Variants in TNPO1 observed in about 807,000 individuals in gnomAD.
TNPO1 encodes the protein transportin-1.
A neutral mutation model predicts 119.5 loss-of-function variants in TNPO1; 8 were observed. That is an observed-to-expected ratio of 0.07 (90% CI 0.04 to 0.12). The LOEUF is 0.12. TNPO1 is among the 10% of genes least tolerant of loss of function. The probability of loss-of-function intolerance (pLI) is 1.00; values close to 1 mark genes in which losing one functional copy is unlikely to be tolerated. For synonymous variants in TNPO1, 362 were observed against 363.0 expected, an observed-to-expected ratio of 1.00 and a Z score of 0.03; for missense variants, 576 against 1,089.8, an observed-to-expected ratio of 0.53 and a Z score of 6.64.
chr5:72,910,697 C>T lies in TNPO1; in HGVS notation c.*2024C>T, dbSNP rs1285412625. 1 of 152,328 alleles carries T rather than the reference C, an allele frequency of 6.6e-6. No homozygotes were observed. The highest frequency in any genetic ancestry group is 2.4e-5 in the African/African-American group (1 of 41,420). The allele number at this position is 152,328 out of a possible 1,614,324, so 9.4% of individuals were successfully genotyped here. ...CTCTAAAAGTGTTGAATGATACAGC[C>T]ATTGCACTGAAGTTTGAGCTGTGTG... On this transcript the variant is annotated 3_prime_UTR_variant, in exon 25 of 25. Transcript: ENST00000337273.
At chr5:72,847,478 T>G (rs1745184162) in intron 1 of TNPO1, among the ~76,000 whole-genome samples, 1 of 152,222 alleles carries the variant, frequency 6.6e-6, no homozygotes, top group Admixed American at 6.5e-5. Context: ...TTTTTTAGCT[T>G]TAGTTGCCAC....
chr5:72,848,193 C>T, intron 1 of TNPO1, 192 bp from the exon 2 acceptor site: 4 of 1,224,316 alleles, frequency 3.3e-6, no homozygotes, highest in Non-Finnish European at 4.1e-6. Context: ...GGCCGGGCTG[C>T]CAGGAGCAGT....
At chr5:72,834,842 G>A (rs180760004) in intron 1 of TNPO1, among the ~76,000 whole-genome samples, 63 of 147,364 alleles carry the variant, frequency 4.3e-4, no homozygotes, top group African/African-American at 1.5e-3. Context: ...CCCTTATATT[G>A]ATAAACCATT....
intron 1 of TNPO1, among the ~76,000 whole-genome samples, chr5:72,817,367 G>T (rs1743744345): frequency 6.6e-6 from 1 of 152,094 alleles, no homozygotes; most frequent in African/African-American, 2.4e-5. Flanking sequence ...TGTGGGTTTT[G>T]CCCTTCTACC....
At chr5:72,819,347 G>A (rs1743842289) in intron 1 of TNPO1, among the ~76,000 whole-genome samples, 1 of 152,196 alleles carries the variant, frequency 6.6e-6, no homozygotes, top group South Asian at 2.1e-4. Context: ...ACAGCAAGTG[G>A]TAACTGATTT....
At position 72,891,630 on chromosome 5, in the gene TNPO1, G is replaced by A. The variant is rs543644039; in HGVS notation, c.1702-180G>A. Among the ~76,000 whole-genome samples, 79 of 152,224 alleles carry A rather than the reference G, an allele frequency of 5.2e-4. 2 individuals carry two copies. Among genetic ancestry groups the A allele is most frequent in the African/African-American group, 1.7e-3 (72 of 41,542 alleles). ...TAGAACACGGTCATGTAAGTATAAA[G>A]GTAGGCAACAGAAAGGAAAACTTTA... On this transcript the variant is annotated intron_variant, in intron 14 of 24. Transcript: ENST00000337273.
At chr5:72,894,267 A>G (rs574343701) in intron 18 of TNPO1, among the ~76,000 whole-genome samples, 1 of 152,312 alleles carries the variant, frequency 6.6e-6, no homozygotes, top group East Asian at 1.9e-4. Flanking sequence ...TGTGACAATG[A>G]TAAGAAATTC....
intron 23 of TNPO1, among the ~76,000 whole-genome samples, chr5:72,904,844 A>G (rs1243330572): frequency 6.6e-6 from 1 of 152,190 alleles, no homozygotes; most frequent in Admixed American, 6.5e-5. Context: ...AATTTACAAA[A>G]GAAAGAGGTT....
intron 4 of TNPO1, among the ~76,000 whole-genome samples, chr5:72,860,605 C>T (rs889091004): frequency 1.3e-5 from 2 of 152,208 alleles, no homozygotes; most frequent in Non-Finnish European, 2.9e-5. Context: ...CCTCGAAGAT[C>T]GCCTTTCTGG....
chr5:72,895,102 A>ACATAC (rs1749325640), intron 18 of TNPO1, among the ~76,000 whole-genome samples: 4 of 152,322 alleles, frequency 2.6e-5, no homozygotes, highest in Non-Finnish European at 4.4e-5. Flanking sequence ...ATATTTTAGT[A>ACATAC]CATACTATAC....
chr5:72,884,040 G>T (rs766945374), intron 11 of TNPO1, among the ~76,000 whole-genome samples: 36 of 152,196 alleles, frequency 2.4e-4, no homozygotes, highest in African/African-American at 7.0e-4. Context: ...GTAAGCCACT[G>T]TGTCTGGCCC....
At chr5:72,818,699 T>G (rs1743807357) in intron 1 of TNPO1, among the ~76,000 whole-genome samples, 2 of 152,214 alleles carry the variant, frequency 1.3e-5, no homozygotes, top group Non-Finnish European at 2.9e-5. Context: ...TTTCCTGAGA[T>G]TGATATTTGA....
Position 72,888,109 on chromosome 5 carries a change from T to C in TNPO1, c.1335T>C (p.Pro445=), listed in dbSNP as rs1312427459. The change falls in exon 13 of 25, where the codon CCT becomes CCC. Residue 445 remains proline (P), a synonymous_variant. Transcript: ENST00000337273. ...GCMQGMIPYL[P]ELIPHLIQCL... is the part of the protein sequence containing the mutation. Reference sequence around the variant, plus strand: ...TGCAGGGCATGATTCCATACTTGCCTGAGCTTATTCCTCACCTTATTCAGT... The same window carrying C: ...TGCAGGGCATGATTCCATACTTGCCCGAGCTTATTCCTCACCTTATTCAGT... 2 of 1,612,924 alleles carry C rather than the reference T, an allele frequency of 1.2e-6. No homozygotes were observed. The highest frequency in any genetic ancestry group is 8.5e-7 in the Non-Finnish European group (1 of 1,179,016).
chr5:72,879,550 C>T (rs866743970), intron 9 of TNPO1, among the ~76,000 whole-genome samples: 12 of 152,168 alleles, frequency 7.9e-5, no homozygotes, highest in Admixed American at 7.2e-4. Context: ...CTGTGAGAGG[C>T]GGTCTCACTG....
At chr5:72,881,203 C>T (rs1027140915) in intron 9 of TNPO1, among the ~76,000 whole-genome samples, 9 of 152,178 alleles carry the variant, frequency 5.9e-5, no homozygotes, top group East Asian at 1.9e-4. Context: ...CTCCACCACC[C>T]GGGTTCAAGT....
At chr5:72,848,113 T>C in intron 1 of TNPO1, 4 of 1,129,554 alleles carry the variant, frequency 3.5e-6, no homozygotes, top group Non-Finnish European at 3.3e-6. Flanking sequence ...AGATTGCAAA[T>C]TCGCGGTGAC....
chr5:72,892,121 C>T (rs2112457989), intron 15 of TNPO1, among the ~76,000 whole-genome samples: 1 of 151,950 alleles, frequency 6.6e-6, no homozygotes, highest in East Asian at 1.9e-4. Context: ...TAGCATACTA[C>T]TCTATATAGT....
chr5:72,855,604 A>C (rs1447067758), intron 3 of TNPO1, among the ~76,000 whole-genome samples, 170 bp from the exon 4 acceptor site: 3 of 152,196 alleles, frequency 2.0e-5, no homozygotes, highest in Non-Finnish European at 2.9e-5. Flanking sequence ...AAAAACCCTG[A>C]GCTATAAATG....
rs370495842 is a variant in TNPO1 at position 72,848,417 on chromosome 5, C to T, written c.48C>T (p.Asp16=). ...AGATGGAGTATGAGTGGAAACCTGACGAGCAAGGGCTTCAGCAAATCCTGC... is the reference window on the plus strand; with the variant it reads ...AGATGGAGTATGAGTGGAAACCTGATGAGCAAGGGCTTCAGCAAATCCTGC... ...QTKMEYEWKP[D]EQGLQQILQL... Residue 16 remains aspartate, a synonymous_variant, in exon 2 of 25, where the codon GAC becomes GAT. Coordinates refer to ENST00000337273, the MANE Select transcript of TNPO1 (RefSeq NM_002270.4). The T allele has an allele frequency of 1.2e-5, 19 of 1,612,406 alleles. No individual in the cohort carries two copies. The highest frequency in any genetic ancestry group is 1.6e-5 in the Non-Finnish European group (19 of 1,179,106).
Sources: gnomAD v4.1 joint callset for allele counts (sites outside exome capture counted in the v4.1 genomes callset) on GRCh38, gnomAD v4.1.1 for gene constraint, MANE v1.5 for transcripts, NCBI Gene and HGNC (gene_info 2026-07-23, HGNC 2026-07-21) for gene names.